PSMB1: variants seen among roughly 807,000 people sequenced by gnomAD.
PSMB1 encodes the protein proteasome 20S subunit beta 1.
Under a neutral mutation model 25.4 loss-of-function variants are expected in PSMB1, and 7 were observed. The ratio of observed to expected loss-of-function variants is 0.28; its 90% CI spans 0.16 to 0.52. PSMB1 has a LOEUF of 0.52. Ranked by LOEUF, PSMB1 falls within the 20% of genes least tolerant of loss-of-function variation. The pLI is 0.97. For missense variants in PSMB1, 284 were observed against 302.2 expected, an observed-to-expected ratio of 0.94 and a Z score of 0.45; for synonymous variants, 119 against 115.0, an observed-to-expected ratio of 1.03 and a Z score of -0.22.
Position 170,543,628 on chromosome 6 carries a change from T to C in PSMB1, c.406A>G (p.Asn136Asp). 3 of 1,611,754 alleles carry C rather than the reference T, an allele frequency of 1.9e-6. No individual in the cohort carries two copies. Among genetic ancestry groups the C allele is most frequent in the South Asian group, 1.1e-5 (1 of 90,846 alleles). Residue 136 changes from asparagine (N) to aspartate (D), a missense_variant, in exon 4 of 6, where the codon AAC (asparagine) becomes GAC (aspartate). Asn to Asp is a conservative substitution (Grantham distance 23). Coordinates refer to ENST00000262193, the MANE Select transcript of PSMB1 (RefSeq NM_002793.4). Reference sequence around the variant, plus strand: ...TCTTCATCAAGTCCACCGATGATGTTGTAAACATAGTATGGAAAGAAGCGC... The same window carrying C: ...TCTTCATCAAGTCCACCGATGATGTCGTAAACATAGTATGGAAAGAAGCGC... The part of the protein sequence containing the change: ...SRRFFPYYVY[N>D]IIGGLDEEGK...
At chr6:170,543,235 A>C (rs1268905547) in intron 4 of PSMB1, among the ~76,000 whole-genome samples, 2 of 152,192 alleles carry the variant, frequency 1.3e-5, no homozygotes, top group Non-Finnish European at 2.9e-5. Flanking sequence ...TAGAACCGTT[A>C]AAGAACTTTT....
rs752789293 is a variant in PSMB1 at position 170,553,283 on chromosome 6, G to C, written c.-41C>G. On this transcript the variant is annotated 5_prime_UTR_variant, in exon 1 of 6. Coordinates refer to ENST00000262193, the MANE Select transcript of PSMB1 (RefSeq NM_002793.4). The stretch of plus-strand genomic sequence containing the variant: ...GCGGATCCGACACTTGCTGTCTCAC[G>C]GCGAGATGGCTGCCTTGACCGGACG... 6.1e-6 allele frequency: 9 copies of C among 1,467,030 alleles called. No individual in the cohort carries two copies. The highest frequency in any genetic ancestry group is 5.9e-5 in the South Asian group (5 of 85,104). The allele number at this position is 1,467,030 out of a possible 1,614,324, so 90.9% of individuals were successfully genotyped here.
At chr6:170,535,908 G>A (rs1309620651) in intron 5 of PSMB1, among the ~76,000 whole-genome samples, 1 of 152,192 alleles carries the variant, frequency 6.6e-6, no homozygotes, top group Non-Finnish European at 1.5e-5. Flanking sequence ...GACAGGAGAT[G>A]AGGTCAATAA....
At chr6:170,550,601 G>C (rs188862291) in intron 1 of PSMB1, among the ~76,000 whole-genome samples, 55 of 152,196 alleles carry the variant, frequency 3.6e-4, no homozygotes, top group Admixed American at 1.6e-3. Flanking sequence ...TTACAAAGTG[G>C]GGTTTTAGGA....
Position 170,538,248 on chromosome 6 carries a change from C to A in PSMB1, c.434-908G>T, listed in dbSNP as rs74473420. ...ACCGTGTTCTGGGTATGAGAAATCA[C>A]GAGTCATTTACAAGGTATGATTTTT... On this transcript the variant is annotated intron_variant, in intron 4 of 5. Transcript: ENST00000262193. Among the ~76,000 whole-genome samples the A allele has an allele frequency of 6.6e-5, 10 of 152,226 alleles. No homozygotes were observed. In the East Asian group the frequency reaches 1.9e-3, roughly 29 times the overall value.
chr6:170,537,063 C>T (rs139018698), intron 5 of PSMB1, among the ~76,000 whole-genome samples, 171 bp downstream of exon 5: 2 of 152,162 alleles, frequency 1.3e-5, no homozygotes, highest in African/African-American at 4.8e-5. Flanking sequence ...CAGAGAGAGA[C>T]CATGAGGTTT....
At chr6:170,540,192 G>A (rs1178031841) in intron 4 of PSMB1, among the ~76,000 whole-genome samples, 1 of 152,142 alleles carries the variant, frequency 6.6e-6, no homozygotes, top group Non-Finnish European at 1.5e-5. Flanking sequence ...CTGTCCTGAA[G>A]GTTTCAATAT....
At chr6:170,537,464 C>T in intron 4 of PSMB1, 124 bp from the exon 5 acceptor site, 1 of 693,856 alleles carries the variant, frequency 1.4e-6, no homozygotes, top group Non-Finnish European at 2.5e-6. Flanking sequence ...CTTCAGGGAA[C>T]AGTTGGAACA....
At chr6:170,542,736 C>T (rs1348676181) in intron 4 of PSMB1, among the ~76,000 whole-genome samples, 1 of 152,170 alleles carries the variant, frequency 6.6e-6, no homozygotes, top group Non-Finnish European at 1.5e-5. Context: ...CAGTCCCTTA[C>T]AGGAATTCCT....
At chr6:170,543,382 T>C (rs1363207371) in intron 4 of PSMB1, among the ~76,000 whole-genome samples, 5 of 152,278 alleles carry the variant, frequency 3.3e-5, no homozygotes, top group South Asian at 4.1e-4. Context: ...CCTGAGAAAA[T>C]AGCAAAATAA....
chr6:170,549,827 C>T (rs1248734201), intron 1 of PSMB1: 1 of 152,214 alleles, frequency 6.6e-6, no homozygotes, highest in Non-Finnish European at 1.5e-5. Flanking sequence ...TTCAAAGGAT[C>T]AAATATGTAA....
At chr6:170,552,254 T>C (rs181765966) in intron 1 of PSMB1, among the ~76,000 whole-genome samples, 46 of 152,300 alleles carry the variant, frequency 3.0e-4, no homozygotes, top group African/African-American at 9.9e-4. Flanking sequence ...TTCGTTCAAA[T>C]TGCGTGTGTA....
chr6:170,540,199 A>G (rs1050873917), intron 4 of PSMB1, among the ~76,000 whole-genome samples: 1 of 152,190 alleles, frequency 6.6e-6, no homozygotes, highest in Admixed American at 6.5e-5. Flanking sequence ...GAAGGTTTCA[A>G]TATGGAGCAC....
Position 170,536,704 on chromosome 6 carries a change from C to T in PSMB1, c.540+530G>A, listed in dbSNP as rs749032058. On this transcript the variant is annotated intron_variant, in intron 5 of 5. Coordinates refer to ENST00000262193, the MANE Select transcript of PSMB1 (RefSeq NM_002793.4). ...CAGCACATAATACATATGTAAAATACGTGATAATCCACAGTTTACATTATT... is the reference window on the plus strand; with the variant it reads ...CAGCACATAATACATATGTAAAATATGTGATAATCCACAGTTTACATTATT... Among the ~76,000 whole-genome samples the T allele has an allele frequency of 7.2e-5, 11 of 152,202 alleles. 1 individual carries two copies. The highest frequency in any genetic ancestry group is 3.4e-3 in the Middle Eastern group (1 of 294).
intron 3 of PSMB1, among the ~76,000 whole-genome samples, chr6:170,544,324 G>T (rs780108151): frequency 1.3e-5 from 2 of 152,156 alleles, no homozygotes; most frequent in South Asian, 2.1e-4. Context: ...CCCTTACTCT[G>T]CATGATTTTA....
At position 170,553,039 on chromosome 6, in the gene PSMB1, G is replaced by C; in HGVS notation, c.113+91C>G. On this transcript the variant is annotated intron_variant, in intron 1 of 5. Transcript: ENST00000262193. ...GGGTTCTGAGGCCTGCAGGAGCCCG[G>C]GGCAGCGCCATCACGGCGGTGACTC... is the stretch of plus-strand genomic sequence containing the variant. 3 of 1,166,604 alleles carry C rather than the reference G, an allele frequency of 2.6e-6. No individual in the cohort carries two copies. The South Asian group carries it at 4.4e-5, about 17-fold the overall frequency. 72.3% of individuals were successfully genotyped at this position (1,166,604 alleles called of 1,614,324 possible).
chr6:170,543,557 A>G (rs1452711354), intron 4 of PSMB1, 44 bp downstream of exon 4: 3 of 1,535,516 alleles, frequency 2.0e-6, no homozygotes, highest in Admixed American at 1.8e-5. Context: ...CTAGGGAATA[A>G]TAACTCCTCC....
rs746590058 is a variant in PSMB1 at position 170,543,572 on chromosome 6, C to A, written c.433+29G>T. 25 of 1,576,882 alleles carry A rather than the reference C, an allele frequency of 1.6e-5. 1 individual carries two copies. Among genetic ancestry groups the A allele is most frequent in the Admixed American group, 1.0e-4 (6 of 57,792 alleles). On this transcript the variant is annotated intron_variant, in intron 4 of 5. Coordinates refer to ENST00000262193, the MANE Select transcript of PSMB1 (RefSeq NM_002793.4). The stretch of plus-strand genomic sequence containing the variant: ...CTAGGGAATAATAACTCCTCCCCCC[C>A]ACCATTTTCCAGAAAGAAGGAATTC...
chr6:170,545,143 T>C (rs1350987664), intron 3 of PSMB1, among the ~76,000 whole-genome samples: 1 of 139,888 alleles, frequency 7.1e-6, no homozygotes, highest in African/African-American at 2.8e-5. Context: ...AAACTCTGTC[T>C]CAAAAAAAAA....
Sources: allele counts gnomAD v4.1 joint callset (sites outside exome capture counted in the v4.1 genomes callset), GRCh38; gene constraint gnomAD v4.1.1; transcripts MANE v1.5; gene names NCBI Gene and HGNC (gene_info 2026-07-23, HGNC 2026-07-21).